Variants in POMT2 observed in about 807,000 individuals in gnomAD.
POMT2 encodes protein O-mannosyl-transferase 2.
Under a neutral mutation model 100.0 loss-of-function variants are expected in POMT2, and 75 were observed. The observed-to-expected ratio is 0.75, with a 90% confidence interval of 0.62 to 0.91. The LOEUF (loss-of-function observed/expected upper bound fraction) is 0.91. Among genes scored for constraint, POMT2 ranks in the 40% least tolerant of loss-of-function variants. The pLI, the probability that POMT2 is intolerant of heterozygous loss-of-function variation, is 0.00. For synonymous variants in POMT2, 378 were observed against 374.1 expected (o/e 1.01, Z -0.12); for missense variants, 940 against 955.1 (o/e 0.98, Z 0.21).
intron 20 of POMT2, 152 bp from the exon 21 acceptor site, chr14:77,277,633 G>A (rs1206762350): frequency 1.9e-5 from 14 of 720,222 alleles, no homozygotes; most frequent in Non-Finnish European, 3.3e-5. Context: ...GTCCCACTGG[G>A]GCACACTGTA....
chr14:77,309,717 C>G (rs918984932), intron 2 of POMT2, among the ~76,000 whole-genome samples: 32 of 152,080 alleles, frequency 2.1e-4, no homozygotes, highest in Non-Finnish European at 3.8e-4. Flanking sequence ...GAGTCTTGCT[C>G]AGTCGCCCAG....
intron 20 of POMT2, 146 bp downstream of exon 20, chr14:77,278,248 G>C: frequency 1.4e-6 from 1 of 716,942 alleles, no homozygotes; most frequent in Non-Finnish European, 2.5e-6. Context: ...TGGAAACCAC[G>C]GCCCCACCTG....
chr14:77,277,123 T>TG lies in POMT2; in HGVS notation c.*252dup. 1.9e-6 allele frequency: 1 copy of TG among 537,674 alleles called. No homozygotes were observed. Among genetic ancestry groups the TG allele is most frequent in the Non-Finnish European group, 3.4e-6 (1 of 296,362 alleles). The allele number at this position is 537,674 out of a possible 1,614,324, so 33.3% of individuals were successfully genotyped here. ...CCACCCTCTGGCACCCATCCTCCCCTGCGCTGTGCACGAGGGAGCAGCCCA... is the reference window on the plus strand; with the variant it reads ...CCACCCTCTGGCACCCATCCTCCCCTGGCGCTGTGCACGAGGGAGCAGCCCA... On this transcript the variant is annotated 3_prime_UTR_variant, in exon 21 of 21. Coordinates refer to ENST00000261534, the MANE Select transcript of POMT2 (RefSeq NM_013382.7).
chr14:77,306,406 A>G lies in POMT2; in HGVS notation c.369T>C (p.Tyr123=). The change falls in exon 3 of 21, where the codon TAT becomes TAC. Residue 123 remains tyrosine (Y), a synonymous_variant. Coordinates refer to ENST00000261534, the MANE Select transcript of POMT2 (RefSeq NM_013382.7). ...GCTTCTGGAACAAAAAGGTACCATCATATCCACTCAGGTAGCCAGCAAGAC... is the reference window on the plus strand; with the variant it reads ...GCTTCTGGAACAAAAAGGTACCATCGTATCCACTCAGGTAGCCAGCAAGAC... ...LIGLAGYLSG[Y]DGTFLFQKPG... is the part of the protein sequence containing the mutation. 2 of 1,613,160 alleles carry G rather than the reference A, an allele frequency of 1.2e-6. No homozygotes were observed. Among genetic ancestry groups the G allele is most frequent in the Non-Finnish European group, 1.7e-6 (2 of 1,179,180 alleles).
Position 77,299,545 on chromosome 14 carries a change from T to C in POMT2, c.833A>G (p.His278Arg). The change falls in exon 7 of 21, where the codon CAC becomes CGC. Residue 278 changes from histidine (H) to arginine (R), a missense_variant. Transcript: ENST00000261534. The stretch of plus-strand genomic sequence containing the variant: ...GAGGCACAGGACACGAGCAGTCAGG[T>C]GTTTTCCCACAGTCACCTGCAAACA... ...LSLSLVTVGK[H>R]LTARVLCLIV... 6.2e-7 allele frequency: 1 copy of C among 1,614,108 alleles called. No individual in the cohort carries two copies. Among genetic ancestry groups the C allele is most frequent in the Non-Finnish European group, 8.5e-7 (1 of 1,179,974 alleles).
Position 77,277,317 on chromosome 14 carries a change from C to T in POMT2, c.*59G>A, listed in dbSNP as rs1890003079. On this transcript the variant is annotated 3_prime_UTR_variant, in exon 21 of 21. Coordinates refer to ENST00000261534, the MANE Select transcript of POMT2 (RefSeq NM_013382.7). The stretch of plus-strand genomic sequence containing the variant: ...CTCATGGCCGGATGGTCCAGTACTG[C>T]TTCCCAGCTGGCTCTCCTGGGAAGT... The T allele has an allele frequency of 2.6e-5, 37 of 1,443,238 alleles. No homozygotes were observed. The highest frequency in any genetic ancestry group is 3.6e-5 in the Non-Finnish European group (37 of 1,027,588). 89.4% of individuals were successfully genotyped at this position (1,443,238 alleles called of 1,614,324 possible). A position where few individuals can be genotyped will look rare whatever the true frequency, so the allele number is the denominator to read the frequency against.
chr14:77,301,823 A>G (rs891771418), intron 5 of POMT2, among the ~76,000 whole-genome samples: 5 of 152,060 alleles, frequency 3.3e-5, no homozygotes, highest in Non-Finnish European at 7.4e-5. Context: ...CACAGTTTTA[A>G]CCCAGGCAAT....
rs755613606 is a variant in POMT2 at position 77,284,957 on chromosome 14, A to G, written c.1569T>C (p.Asn523=). 1 of 1,608,214 alleles carries G rather than the reference A, an allele frequency of 6.2e-7. No homozygotes were observed. Among genetic ancestry groups the G allele is most frequent in the South Asian group, 1.1e-5 (1 of 90,928 alleles). ...NSIWNVEDHI[N]PKLPNISLDV... ...GAAAGTGACCTCACTCACACTTGGG[A>G]TTGATATGGTCCTCCACATTCCAGA... Residue 523 remains asparagine (N), a synonymous_variant, in exon 14 of 21, where the codon AAT becomes AAC. Transcript: ENST00000261534.
Position 77,301,077 on chromosome 14 carries a change from CT to C in POMT2, c.816+12del, listed in dbSNP as rs1566656089. ...AGCAAAAACATTTCCACAGCAAACC[CT>C]TGGGTGCTCACCAATGAAAGACTGA... On this transcript the variant is annotated intron_variant, in intron 6 of 20. Coordinates refer to ENST00000261534, the MANE Select transcript of POMT2 (RefSeq NM_013382.7). The C allele has an allele frequency of 6.2e-7, 1 of 1,613,980 alleles. No individual in the cohort carries two copies. The highest frequency in any genetic ancestry group is 1.7e-5 in the Admixed American group (1 of 60,010).
chr14:77,291,436 T>C, intron 9 of POMT2, 56 bp from the exon 10 acceptor site: 1 of 1,553,388 alleles, frequency 6.4e-7, no homozygotes, highest in Non-Finnish European at 8.8e-7. Context: ...ATACCATCAC[T>C]ATCAGCACAG....
At chr14:77,299,370 G>T in intron 7 of POMT2, 85 bp downstream of exon 7, 1 of 1,208,286 alleles carries the variant, frequency 8.3e-7, no homozygotes, top group Non-Finnish European at 1.2e-6. Context: ...TTTAACCACA[G>T]ACCCAGAAAA....
intron 2 of POMT2, chr14:77,308,913 A>T (rs1891336658): frequency 3.0e-6 from 1 of 336,662 alleles, no homozygotes; most frequent in East Asian, 9.2e-5. Context: ...AATGACTAAA[A>T]ACTGGAAATA....
At chr14:77,301,013 A>T in intron 6 of POMT2, 77 bp downstream of exon 6, 1 of 1,610,508 alleles carries the variant, frequency 6.2e-7, no homozygotes, top group East Asian at 2.2e-5. Context: ...TGCAGTAGAG[A>T]CAGAGAAGGC....
intron 11 of POMT2, among the ~76,000 whole-genome samples, chr14:77,288,396 T>G (rs970328597): frequency 6.6e-6 from 1 of 152,124 alleles, no homozygotes; most frequent in Admixed American, 6.5e-5. Flanking sequence ...GGGAGCTGGG[T>G]GTGATGGCTC....
At chr14:77,278,354 G>T in intron 20 of POMT2, 40 bp downstream of exon 20, 1 of 1,418,318 alleles carries the variant, frequency 7.1e-7, no homozygotes, top group Non-Finnish European at 9.7e-7. Context: ...GCACTGCTGA[G>T]CCCACACTGG....
chr14:77,281,768 C>T (rs756329985), intron 15 of POMT2, among the ~76,000 whole-genome samples: 2 of 152,150 alleles, frequency 1.3e-5, no homozygotes, highest in Non-Finnish European at 2.9e-5. Flanking sequence ...ACTGAATGCC[C>T]GTAGCACTCC....
At position 77,286,828 on chromosome 14, in the gene POMT2, A is replaced by C; in HGVS notation, c.1254-6T>G. The C allele has an allele frequency of 6.2e-7, 1 of 1,614,208 alleles. No homozygotes were observed. Among genetic ancestry groups the C allele is most frequent in the East Asian group, 2.2e-5 (1 of 44,894 alleles). On this transcript the variant is annotated splice_region_variant and splice_polypyrimidine_tract_variant and intron_variant, in intron 11 of 20. Transcript: ENST00000261534. The stretch of plus-strand genomic sequence containing the variant: ...TGTGCAAGTTCCGGGAAGTTCTAGA[A>C]GTTAGAAAAGAGAAGTGTCATTATC...
chr14:77,279,798 G>C (rs753478374), intron 18 of POMT2, 25 bp downstream of exon 18: 1 of 1,604,890 alleles, frequency 6.2e-7, no homozygotes, highest in South Asian at 1.1e-5. Flanking sequence ...CCAGGTCAGG[G>C]GAGGGAGAGC....
At chr14:77,296,504 T>C (rs1415560934) in intron 8 of POMT2, 1 of 567,294 alleles carries the variant, frequency 1.8e-6, no homozygotes, top group Admixed American at 3.0e-5. Context: ...AAGCTTGTGT[T>C]AACACTGTCA....
Sources: allele counts gnomAD v4.1 joint callset (sites outside exome capture counted in the v4.1 genomes callset), GRCh38; gene constraint gnomAD v4.1.1; transcripts MANE v1.5; gene names NCBI Gene and HGNC (gene_info 2026-07-23, HGNC 2026-07-21).